KIAA1958: variants seen among roughly 807,000 people sequenced by gnomAD.
KIAA1958 encodes the protein KIAA1958, also known as uncharacterized protein KIAA1958.
KIAA1958 carries 14 observed loss-of-function variants against 47.2 expected under a neutral mutation model. The ratio of observed to expected loss-of-function variants is 0.30; its 90% confidence interval spans 0.20 to 0.46. The LOEUF is 0.46. KIAA1958 is among the 20% of genes least tolerant of loss of function. KIAA1958 has a pLI of 1.00. For missense variants in KIAA1958, 803 were observed against 909.2 expected, an observed-to-expected ratio of 0.88 and a Z score of 1.50; for synonymous variants, 354 against 353.3, an observed-to-expected ratio of 1.00 and a Z score of -0.02.
chr9:112,502,182 A>G (rs1834153538), intron 1 of KIAA1958, among the ~76,000 whole-genome samples: 1 of 152,252 alleles, frequency 6.6e-6, no homozygotes, highest in Non-Finnish European at 1.5e-5. Flanking sequence ...ACTTTGAAGT[A>G]TAGTATACTT....
intron 2 of KIAA1958, among the ~76,000 whole-genome samples, chr9:112,592,641 C>T (rs148600113): frequency 1.1e-3 from 164 of 152,272 alleles, no homozygotes; most frequent in African/African-American, 3.7e-3. Flanking sequence ...ACTTTAGTAG[C>T]AATGCAGGAT....
In KIAA1958 at chr9:112,574,105, T is replaced by C; in HGVS notation, c.25T>C (p.Ser9Pro). The change falls in exon 2 of 4, where the codon TCT (serine) becomes CCT (proline). Residue 9 changes from serine to proline, a missense_variant. Ser to Pro is a moderately conservative substitution (Grantham distance 74). Around this residue, in one of 2 missense-constraint regions of KIAA1958, gnomAD observed 42 missense variants for 79.9 expected, o/e 0.53. Coordinates refer to ENST00000337530, the MANE Select transcript of KIAA1958 (RefSeq NM_133465.4). ...CATGGAGGATTGTCTTCATACCTCA[T>C]CTGAGAATCTGTCCAAATTGGTCAG... The part of the protein sequence containing the change: MEDCLHTS[S>P]ENLSKLVSWA... The C allele has an allele frequency of 6.2e-7, 1 of 1,601,816 alleles. No individual in the cohort carries two copies. The highest frequency in any genetic ancestry group is 8.5e-7 in the Non-Finnish European group (1 of 1,172,212).
At chr9:112,655,076 A>G (rs868480959) in intron 3 of KIAA1958, among the ~76,000 whole-genome samples, 11 of 152,300 alleles carry the variant, frequency 7.2e-5, no homozygotes, top group Middle Eastern at 3.4e-3. Flanking sequence ...ATTTGGGTAC[A>G]GTTTTTCTAG....
At chr9:112,579,044 A>G (rs1408569407) in intron 2 of KIAA1958, among the ~76,000 whole-genome samples, 3 of 151,846 alleles carry the variant, frequency 2.0e-5, no homozygotes, top group African/African-American at 7.2e-5. Context: ...AAAAAAATTT[A>G]TTTATCTTTT....
intron 1 of KIAA1958, among the ~76,000 whole-genome samples, chr9:112,505,348 C>T (rs1834214903): frequency 1.3e-5 from 2 of 152,170 alleles, no homozygotes; most frequent in African/African-American, 2.4e-5. Context: ...CTTTAGTTTC[C>T]GCGTTTATAA....
chr9:112,504,646 T>C (rs1190137913), intron 1 of KIAA1958, among the ~76,000 whole-genome samples: 1 of 152,214 alleles, frequency 6.6e-6, no homozygotes, highest in African/African-American at 2.4e-5. Context: ...ATAATTTACC[T>C]AATCTTATCA....
At chr9:112,522,163 G>T (rs2132797175) in intron 1 of KIAA1958, among the ~76,000 whole-genome samples, 1 of 152,130 alleles carries the variant, frequency 6.6e-6, no homozygotes, top group Admixed American at 6.6e-5. Flanking sequence ...TAGAGACGAG[G>T]TTTCTCCTTG....
intron 1 of KIAA1958, among the ~76,000 whole-genome samples, chr9:112,513,093 C>T (rs1834349107): frequency 6.7e-6 from 1 of 149,116 alleles, no homozygotes; most frequent in Non-Finnish European, 1.5e-5. Context: ...CAACCTCTGC[C>T]TCCTGGGTTT....
At chr9:112,491,140 A>AT (rs1260781288) in intron 1 of KIAA1958, among the ~76,000 whole-genome samples, 1 of 151,930 alleles carries the variant, frequency 6.6e-6, no homozygotes, top group Non-Finnish European at 1.5e-5. Flanking sequence ...AATTTTTCTT[A>AT]TTTTTTGTAG....
intron 2 of KIAA1958, among the ~76,000 whole-genome samples, chr9:112,624,357 C>T (rs1836566774): frequency 6.6e-6 from 1 of 152,218 alleles, no homozygotes; most frequent in Non-Finnish European, 1.5e-5. Flanking sequence ...TCAAACATTG[C>T]TTTCCCTTCC....
chr9:112,591,207 C>A (rs1360467573), intron 2 of KIAA1958, among the ~76,000 whole-genome samples: 1 of 152,144 alleles, frequency 6.6e-6, no homozygotes, highest in Non-Finnish European at 1.5e-5. Context: ...CCTCAGCCTC[C>A]TGAGTAGCTG....
chr9:112,546,824 T>G (rs951081348), intron 1 of KIAA1958, among the ~76,000 whole-genome samples: 12 of 152,172 alleles, frequency 7.9e-5, no homozygotes, highest in African/African-American at 2.9e-4. Context: ...AAGTATGAAC[T>G]CGTCTTTTCT....
intron 1 of KIAA1958, among the ~76,000 whole-genome samples, chr9:112,509,200 CTT>C (rs67222850): frequency 4.9e-4 from 55 of 113,108 alleles, no homozygotes; most frequent in South Asian, 1.1e-3. Flanking sequence ...CAGGCCCATT[CTT>C]TTTTTTTTTT....
Position 112,574,098 on chromosome 9 carries a change from T to A in KIAA1958, c.18T>A (p.His6Gln). The A allele has an allele frequency of 3.1e-6, 5 of 1,597,208 alleles. No homozygotes were observed. The highest frequency in any genetic ancestry group is 2.6e-6 in the Non-Finnish European group (3 of 1,169,568). ...CCTGTAACATGGAGGATTGTCTTCATACCTCATCTGAGAATCTGTCCAAAT... is the reference window on the plus strand; with the variant it reads ...CCTGTAACATGGAGGATTGTCTTCAAACCTCATCTGAGAATCTGTCCAAAT... Reference protein sequence around the residue: MEDCLHTSSENLSKLV... With the variant: MEDCLQTSSENLSKLV... The change falls in exon 2 of 4, where the codon CAT (histidine) becomes CAA (glutamine). Residue 6 changes from histidine to glutamine, a missense_variant. Physicochemically the swap from His to Gln is conservative, Grantham distance 24 (BLOSUM62 0). Coordinates refer to ENST00000337530, the MANE Select transcript of KIAA1958 (RefSeq NM_133465.4).
intron 3 of KIAA1958, among the ~76,000 whole-genome samples, chr9:112,655,474 T>C (rs1180009569): frequency 6.6e-6 from 1 of 152,236 alleles, no homozygotes; most frequent in Non-Finnish European, 1.5e-5. Flanking sequence ...CCCCCTTGTT[T>C]TGATGCAGCA....
chr9:112,598,011 G>A (rs982398179), intron 2 of KIAA1958, among the ~76,000 whole-genome samples: 4 of 152,178 alleles, frequency 2.6e-5, no homozygotes, highest in South Asian at 2.1e-4. Context: ...TGTTATAGAC[G>A]TTAATCAAGT....
intron 2 of KIAA1958, among the ~76,000 whole-genome samples, chr9:112,619,941 C>CAAG (rs1836472210): frequency 6.6e-6 from 1 of 152,136 alleles, no homozygotes; most frequent in African/African-American, 2.4e-5. Flanking sequence ...TCTCCTGAGG[C>CAAG]AAGGGTGTGT....
At chr9:112,496,469 GTTTC>G (rs966714875) in intron 1 of KIAA1958, among the ~76,000 whole-genome samples, 2 of 152,292 alleles carry the variant, frequency 1.3e-5, no homozygotes, top group African/African-American at 4.8e-5. Flanking sequence ...GAAAGTTTCT[GTTTC>G]TTGAACTGGT....
intron 1 of KIAA1958, among the ~76,000 whole-genome samples, chr9:112,487,588 C>T (rs945165373): frequency 6.6e-6 from 1 of 152,140 alleles, no homozygotes; most frequent in East Asian, 1.9e-4. Flanking sequence ...GGGCTCTGCC[C>T]CACTAGTTTT....
Sources: gnomAD v4.1 joint callset for allele counts (sites outside exome capture counted in the v4.1 genomes callset) on GRCh38, gnomAD v4.1.1 for gene constraint, gnomAD v4.1.1 regional missense constraint, MANE v1.5 for transcripts, NCBI Gene and HGNC (gene_info 2026-07-23, HGNC 2026-07-21) for gene names.